The following MAD1L1 variants were observed in gnomAD, a reference collection of about 807,000 sequenced individuals.
MAD1L1 encodes mitotic spindle assembly checkpoint protein MAD1.
A neutral mutation model predicts 96.9 loss-of-function variants in MAD1L1; 95 were observed. The ratio of observed to expected loss-of-function variants is 0.98; its 90% CI spans 0.83 to 1.16. The LOEUF (loss-of-function observed/expected upper bound fraction) is 1.16, where lower values mean the gene tolerates loss of function less well. MAD1L1 is among the 50% of genes most tolerant of loss of function. The pLI, the probability that MAD1L1 is intolerant of heterozygous loss-of-function variation, is 0.00. For synonymous variants in MAD1L1, 473 were observed against 396.6 expected, an observed-to-expected ratio of 1.19 and a Z score of -2.29; for missense variants, 1,007 against 954.4, an observed-to-expected ratio of 1.06 and a Z score of -0.73.
At chr7:2,025,156 G>A (rs1165803034) in intron 12 of MAD1L1, among the ~76,000 whole-genome samples, 1 of 152,210 alleles carries the variant, frequency 6.6e-6, no homozygotes, top group Non-Finnish European at 1.5e-5. Context: ...GCTCTATGCT[G>A]TCTTCTTAGT....
chr7:2,109,972 C>T (rs1270047195), intron 11 of MAD1L1, among the ~76,000 whole-genome samples: 1 of 151,140 alleles, frequency 6.6e-6, no homozygotes, highest in Non-Finnish European at 1.5e-5. Context: ...AGGGCACAAG[C>T]GTGGGCTCAG....
Position 2,008,862 on chromosome 7 carries a change from C to T in MAD1L1, c.1359+5640G>A, listed in dbSNP as rs530389203. ...GGAAGGAACACGGCTCCATCCCAAA[C>T]GACCTGACGCAGTGCTCGGGTTCCC... On this transcript the variant is annotated intron_variant, in intron 13 of 18. Coordinates refer to ENST00000265854, the MANE Select transcript of MAD1L1 (RefSeq NM_001013836.2). Among the ~76,000 whole-genome samples the T allele has an allele frequency of 3.3e-5, 5 of 152,262 alleles. No individual in the cohort carries two copies. In the South Asian group the frequency reaches 8.3e-4, roughly 25 times the overall value.
intron 18 of MAD1L1, among the ~76,000 whole-genome samples, chr7:1,863,412 G>A (rs987739469): frequency 6.6e-6 from 1 of 152,256 alleles, no homozygotes; most frequent in African/African-American, 2.4e-5. Flanking sequence ...GCCTGGGCGG[G>A]GAGACCTCGC....
chr7:2,073,526 C>A lies in MAD1L1; in HGVS notation c.1074-4188G>T, dbSNP rs910702669. 3.3e-5 allele frequency among the ~76,000 whole-genome samples: 5 copies of A among 152,322 alleles called. No homozygotes were observed. The South Asian group carries it at 1.0e-3, about 32-fold the overall frequency. ...TCAGATGGTCTTTGTGACTGTAGGT[C>A]ACCATCTCCCCGATCCGCTGGCTCC... On this transcript the variant is annotated intron_variant, in intron 11 of 18. Transcript: ENST00000265854.
intron 18 of MAD1L1, among the ~76,000 whole-genome samples, chr7:1,832,791 C>T (rs1219162162): frequency 6.7e-6 from 1 of 149,508 alleles, no homozygotes; most frequent in African/African-American, 2.5e-5. Context: ...GCCACCATGC[C>T]CGGCTAATTT....
chr7:2,044,401 T>A (rs984979069), intron 12 of MAD1L1, among the ~76,000 whole-genome samples: 3 of 152,040 alleles, frequency 2.0e-5, no homozygotes, highest in African/African-American at 7.3e-5. Context: ...ACAAAGCACC[T>A]CAGGTGTGAG....
At chr7:2,046,119 A>T (rs1298092787) in intron 12 of MAD1L1, among the ~76,000 whole-genome samples, 1 of 152,106 alleles carries the variant, frequency 6.6e-6, no homozygotes, top group Non-Finnish European at 1.5e-5. Flanking sequence ...CGAGCCCTGC[A>T]ATCAGTGCCT....
chr7:1,869,117 G>A (rs934831230), intron 18 of MAD1L1, among the ~76,000 whole-genome samples: 25 of 152,130 alleles, frequency 1.6e-4, no homozygotes, highest in Admixed American at 9.8e-4. Flanking sequence ...TCCGAGCAAC[G>A]ATCCATGCCC....
chr7:2,208,024 T>C (rs907868366), intron 10 of MAD1L1, among the ~76,000 whole-genome samples: 1 of 152,186 alleles, frequency 6.6e-6, no homozygotes, highest in African/African-American at 2.4e-5. Context: ...TCAGAGGCTG[T>C]GTGAGAGCAG....
At chr7:1,925,715 GA>G (rs1789050154) in intron 17 of MAD1L1, among the ~76,000 whole-genome samples, 1 of 152,204 alleles carries the variant, frequency 6.6e-6, no homozygotes, top group African/African-American at 2.4e-5. Context: ...ATGGAAATTT[GA>G]AAATGTTTTG....
At chr7:1,895,736 G>T (rs1786824900) in intron 18 of MAD1L1, among the ~76,000 whole-genome samples, 1 of 152,228 alleles carries the variant, frequency 6.6e-6, no homozygotes, top group Non-Finnish European at 1.5e-5. Flanking sequence ...TGGACCGTCT[G>T]TCCTTCCGGA....
intron 14 of MAD1L1, among the ~76,000 whole-genome samples, chr7:1,990,603 G>A (rs1055579207): frequency 1.3e-5 from 2 of 152,238 alleles, no homozygotes; most frequent in African/African-American, 2.4e-5. Context: ...CCGAATGTTC[G>A]CCTGATGCAC....
intron 6 of MAD1L1, 121 bp from the exon 7 acceptor site, chr7:2,218,164 GGACCTCCCACGGCACA>G: frequency 1.4e-6 from 1 of 738,662 alleles, no homozygotes; most frequent in Non-Finnish European, 2.4e-6. Flanking sequence ...CCAAGGTTCA[GGACCTCCCACGGCACA>G]GACCCCCCGC....
intron 10 of MAD1L1, among the ~76,000 whole-genome samples, chr7:2,162,379 C>G (rs1471729166): frequency 2.6e-5 from 4 of 152,034 alleles, no homozygotes; most frequent in African/African-American, 9.7e-5. Context: ...TAAACAGATG[C>G]TTGAAGGCAG....
chr7:2,008,193 G>A (rs1405056534), intron 13 of MAD1L1, among the ~76,000 whole-genome samples: 3 of 152,218 alleles, frequency 2.0e-5, no homozygotes, highest in African/African-American at 7.2e-5. Flanking sequence ...ACACTCACAA[G>A]GGCGAGGAGC....
At chr7:2,208,254 A>G (rs952267476) in intron 10 of MAD1L1, among the ~76,000 whole-genome samples, 1 of 152,050 alleles carries the variant, frequency 6.6e-6, no homozygotes, top group South Asian at 2.1e-4. Context: ...ATTTTGGTAC[A>G]TTGTCCTTGT....
intron 18 of MAD1L1, among the ~76,000 whole-genome samples, chr7:1,870,465 C>A (rs1292516286): frequency 1.5e-4 from 22 of 142,844 alleles, no homozygotes; most frequent in African/African-American, 5.5e-4. Flanking sequence ...CCACGCTGAA[C>A]CCAACATATG....
intron 10 of MAD1L1, among the ~76,000 whole-genome samples, chr7:2,196,727 G>C (rs1368435192): frequency 6.6e-6 from 1 of 152,262 alleles, no homozygotes; most frequent in East Asian, 1.9e-4. Context: ...AACAGGGAGA[G>C]TCTGGCCTTC....
At chr7:2,043,970 G>A (rs1004669532) in intron 12 of MAD1L1, among the ~76,000 whole-genome samples, 3 of 152,206 alleles carry the variant, frequency 2.0e-5, no homozygotes, top group African/African-American at 7.2e-5. Context: ...ACAGATGGGT[G>A]CCCGTCCCGT....
Sources: allele counts gnomAD v4.1 joint callset (sites outside exome capture counted in the v4.1 genomes callset), GRCh38; gene constraint gnomAD v4.1.1; transcripts MANE v1.5; gene names NCBI Gene and HGNC (gene_info 2026-07-23, HGNC 2026-07-21).